Variants in KCNIP4 observed in about 807,000 individuals in gnomAD.
The protein encoded by KCNIP4 is Kv channel-interacting protein 4.
KCNIP4 carries 12 observed loss-of-function variants against 34.0 expected under a neutral mutation model. The ratio of observed to expected loss-of-function variants is 0.35; its 90% CI spans 0.23 to 0.57. The LOEUF (loss-of-function observed/expected upper bound fraction) is 0.57. KCNIP4 is among the 20% of genes least tolerant of loss of function. The pLI is 0.83. For synonymous variants in KCNIP4, 124 were observed against 102.2 expected, an observed-to-expected ratio of 1.21 and a Z score of -1.29; for missense variants, 238 against 311.7, an observed-to-expected ratio of 0.76 and a Z score of 1.78.
chr4:21,071,309 T>C (rs1237742218), intron 1 of KCNIP4, among the ~76,000 whole-genome samples: 1 of 152,178 alleles, frequency 6.6e-6, no homozygotes, highest in Non-Finnish European at 1.5e-5. Context: ...TCTGTTTGTT[T>C]ACCTGTTGTC....
Position 21,133,163 on chromosome 4 carries a change from C to A in KCNIP4, c.62-250454G>T, listed in dbSNP as rs567487279. Among the ~76,000 whole-genome samples, 11 of 152,306 alleles carry A rather than the reference C, an allele frequency of 7.2e-5. No homozygotes were observed. The East Asian group carries it at 1.5e-3, about 21-fold the overall frequency. ...GATGCTGAAAGTAGGACAGAAGGAT[C>A]ACGTCATTAAGACATTCCTGTTTTC... On this transcript the variant is annotated intron_variant, in intron 1 of 8. Transcript: ENST00000382152.
chr4:20,922,547 G>GTCTGTCTATCTATCTATCTATCTA (rs373186954), intron 1 of KCNIP4, among the ~76,000 whole-genome samples: 18 of 129,524 alleles, frequency 1.4e-4, no homozygotes, highest in East Asian at 7.1e-4. Flanking sequence ...CTGTCTGTCT[G>GTCTGTCTATCTATCTATCTATCTA]TCTATCTATC....
intron 1 of KCNIP4, among the ~76,000 whole-genome samples, chr4:21,491,792 C>A (rs1732421303): frequency 6.6e-6 from 1 of 151,528 alleles, no homozygotes; most frequent in Non-Finnish European, 1.5e-5. Context: ...TGATAAGAAT[C>A]ATTTTCTATA....
At chr4:21,735,312 C>T (rs924744971) in intron 1 of KCNIP4, among the ~76,000 whole-genome samples, 1 of 151,856 alleles carries the variant, frequency 6.6e-6, no homozygotes, top group African/African-American at 2.4e-5. Flanking sequence ...CTGAACATAG[C>T]AATTATTAAA....
At chr4:21,234,037 T>C (rs1320395607) in intron 1 of KCNIP4, among the ~76,000 whole-genome samples, 8 of 120,236 alleles carry the variant, frequency 6.7e-5, no homozygotes, top group Middle Eastern at 8.2e-3. Flanking sequence ...ATATAACATA[T>C]ATAACATATA....
intron 1 of KCNIP4, among the ~76,000 whole-genome samples, chr4:21,295,153 C>T (rs1202349213): frequency 1.3e-5 from 2 of 152,114 alleles, no homozygotes; most frequent in Middle Eastern, 3.2e-3. Context: ...GACCTGCTCA[C>T]CCCATGTGGA....
At chr4:21,319,342 A>G (rs1714133128) in intron 1 of KCNIP4, among the ~76,000 whole-genome samples, 1 of 152,242 alleles carries the variant, frequency 6.6e-6, no homozygotes, top group South Asian at 2.1e-4. Context: ...TGCTATACAC[A>G]GAGTGAACCT....
At chr4:20,904,739 T>A (rs1310643592) in intron 1 of KCNIP4, among the ~76,000 whole-genome samples, 1 of 152,178 alleles carries the variant, frequency 6.6e-6, no homozygotes, top group Non-Finnish European at 1.5e-5. Flanking sequence ...ATACCAATAA[T>A]GTTTTAAATT....
chr4:20,947,105 C>T (rs994075442), intron 1 of KCNIP4, among the ~76,000 whole-genome samples: 1 of 152,088 alleles, frequency 6.6e-6, no homozygotes, highest in Non-Finnish European at 1.5e-5. Context: ...AAGTCTGTTT[C>T]CTCTGTTATC....
At chr4:20,999,427 GTTTGTTTTTTGTTTTT>G (rs1737880992) in intron 1 of KCNIP4, among the ~76,000 whole-genome samples, 3 of 27,728 alleles carry the variant, frequency 1.1e-4, no homozygotes, top group East Asian at 1.2e-3. Flanking sequence ...TTTTTTTTTT[GTTTGTTTTTTGTTTTT>G]TTTTTTTTTT....
chr4:21,190,428 C>A (rs1755543899), intron 1 of KCNIP4, among the ~76,000 whole-genome samples: 1 of 146,668 alleles, frequency 6.8e-6, no homozygotes. Context: ...CACCGCCCAA[C>A]AAGAATGCTG....
At chr4:21,556,930 A>AAAAAAAAAAAAACAAAAAAAAC (rs1739097761) in intron 1 of KCNIP4, among the ~76,000 whole-genome samples, 1 of 108,194 alleles carries the variant, frequency 9.2e-6, no homozygotes, top group Non-Finnish European at 2.0e-5. Flanking sequence ...CAGAAAAAAA[A>AAAAAAAAAAAAACAAAAAAAAC]AAAAAAAAAA....
chr4:21,462,843 C>A (rs183489749), intron 1 of KCNIP4, among the ~76,000 whole-genome samples: 55 of 147,386 alleles, frequency 3.7e-4, no homozygotes, highest in Non-Finnish European at 6.5e-4. Context: ...CATATATATG[C>A]CACATTTTAT....
chr4:21,785,584 T>C (rs573317943), intron 1 of KCNIP4, among the ~76,000 whole-genome samples: 1 of 117,914 alleles, frequency 8.5e-6, no homozygotes, highest in Admixed American at 8.7e-5. Flanking sequence ...AGAGTGAGAT[T>C]CCATCTCAAT....
At chr4:21,445,479 A>C (rs1403953220) in intron 1 of KCNIP4, among the ~76,000 whole-genome samples, 1 of 152,194 alleles carries the variant, frequency 6.6e-6, no homozygotes, top group African/African-American at 2.4e-5. Context: ...ACTTATCTAC[A>C]ACTATCTGAT....
At chr4:21,700,450 A>G (rs1310221758) in intron 1 of KCNIP4, among the ~76,000 whole-genome samples, 1 of 152,010 alleles carries the variant, frequency 6.6e-6, no homozygotes, top group Non-Finnish European at 1.5e-5. Flanking sequence ...TTTTCTTGCT[A>G]TTGAGCTATT....
At chr4:21,248,060 A>ATATGTG (rs1553845887) in intron 1 of KCNIP4, among the ~76,000 whole-genome samples, 5 of 145,288 alleles carry the variant, frequency 3.4e-5, no homozygotes, top group South Asian at 2.2e-4. Flanking sequence ...ATATATATAT[A>ATATGTG]TGTGTGTGTG....
chr4:20,993,640 A>T (rs1737285441), intron 1 of KCNIP4, among the ~76,000 whole-genome samples: 1 of 152,222 alleles, frequency 6.6e-6, no homozygotes, highest in Non-Finnish European at 1.5e-5. Flanking sequence ...TAGAACTCAC[A>T]GTCAGTGTTG....
intron 1 of KCNIP4, among the ~76,000 whole-genome samples, chr4:21,889,157 A>G (rs904180747): frequency 9.2e-5 from 14 of 152,172 alleles, no homozygotes; most frequent in African/African-American, 3.4e-4. Flanking sequence ...ACCACAGGTT[A>G]TCCACACAGG....
Sources: gnomAD v4.1 joint callset for allele counts (sites outside exome capture counted in the v4.1 genomes callset) on GRCh38, gnomAD v4.1.1 for gene constraint, MANE v1.5 for transcripts, NCBI Gene and HGNC (gene_info 2026-07-23, HGNC 2026-07-21) for gene names.